The following WWP2 variants were observed in gnomAD, a reference collection of about 807,000 sequenced individuals.
The protein encoded by WWP2 is NEDD4-like E3 ubiquitin-protein ligase WWP2.
A neutral mutation model predicts 121.0 loss-of-function variants in WWP2; 57 were observed. That is an observed-to-expected ratio of 0.47 (90% CI 0.38 to 0.59). WWP2 has a LOEUF of 0.59. Among genes scored for constraint, WWP2 ranks in the 20% least tolerant of loss-of-function variants. WWP2 has a pLI of 0.00. For synonymous variants in WWP2, 449 were observed against 441.3 expected (o/e 1.02, Z -0.22); for missense variants, 962 against 1,158.9 (o/e 0.83, Z 2.47).
chr16:69,776,182 C>G (rs913924533), intron 1 of WWP2: 5 of 152,066 alleles, frequency 3.3e-5, no homozygotes, highest in African/African-American at 1.2e-4. Context: ...TGTTTTTCTC[C>G]CCTTAGATGA....
At chr16:69,909,765 GTTC>G (rs2058353008) in intron 9 of WWP2, 6 of 914,018 alleles carry the variant, frequency 6.6e-6, no homozygotes, top group Non-Finnish European at 5.2e-6. Context: ...TTATGAAAAT[GTTC>G]TTATTATTAT....
chr16:69,787,516 G>A (rs997259936), intron 2 of WWP2, among the ~76,000 whole-genome samples: 3 of 152,122 alleles, frequency 2.0e-5, no homozygotes, highest in Admixed American at 6.5e-5. Flanking sequence ...CTTGAGCCTG[G>A]GAGTTCAAGG....
At chr16:69,852,279 G>A (rs1260525502) in intron 6 of WWP2, among the ~76,000 whole-genome samples, 2 of 147,830 alleles carry the variant, frequency 1.4e-5, no homozygotes, top group African/African-American at 5.0e-5. Context: ...GATGTGGAGA[G>A]TCTCTTTTTT....
chr16:69,805,261 C>G (rs897567451), intron 4 of WWP2, among the ~76,000 whole-genome samples: 39 of 152,166 alleles, frequency 2.6e-4, no homozygotes, highest in African/African-American at 8.4e-4. Context: ...GTCTCAAACT[C>G]CTGACCTCAG....
intron 13 of WWP2, 60 bp from the exon 14 acceptor site, chr16:69,931,092 G>A: frequency 7.7e-6 from 12 of 1,563,432 alleles, no homozygotes; most frequent in Non-Finnish European, 9.7e-6. Context: ...GGCTGACAAA[G>A]ACAAATTGTT....
chr16:69,812,247 A>T (rs181751504), intron 4 of WWP2, among the ~76,000 whole-genome samples: 19 of 142,006 alleles, frequency 1.3e-4, no homozygotes, highest in African/African-American at 5.2e-4. Context: ...GCTAACTGCA[A>T]CCTCTGCCTC....
At chr16:69,780,281 A>G (rs2055636993) in intron 1 of WWP2, among the ~76,000 whole-genome samples, 1 of 149,736 alleles carries the variant, frequency 6.7e-6, no homozygotes, top group Non-Finnish European at 1.5e-5. Context: ...CCCTCTTGGC[A>G]TTATCATTTG....
At chr16:69,812,270 A>G (rs2056407615) in intron 4 of WWP2, among the ~76,000 whole-genome samples, 1 of 148,952 alleles carries the variant, frequency 6.7e-6, no homozygotes, top group African/African-American at 2.5e-5. Context: ...GGTTCAAGCA[A>G]TTCTTCCACC....
chr16:69,928,209 G>T (rs1031899222), intron 11 of WWP2, among the ~76,000 whole-genome samples: 1 of 152,140 alleles, frequency 6.6e-6, no homozygotes, highest in Admixed American at 6.5e-5. Context: ...TTCTGGAACT[G>T]ATTATTTTTG....
chr16:69,834,703 T>A (rs2056845960), intron 4 of WWP2, among the ~76,000 whole-genome samples: 1 of 151,586 alleles, frequency 6.6e-6, no homozygotes. Context: ...ATGTTTTGTA[T>A]TTTTAGTAGA....
intron 7 of WWP2, among the ~76,000 whole-genome samples, chr16:69,882,739 G>A (rs1019345823): frequency 1.3e-5 from 2 of 152,196 alleles, no homozygotes; most frequent in Admixed American, 6.5e-5. Flanking sequence ...TGAAAAATGC[G>A]GGAAACAAAT....
chr16:69,835,738 A>G (rs1235017734), intron 4 of WWP2, among the ~76,000 whole-genome samples: 2 of 152,162 alleles, frequency 1.3e-5, no homozygotes, highest in African/African-American at 2.4e-5. Flanking sequence ...AAATAACTGC[A>G]TATATCATTC....
chr16:69,841,925 CTA>C, intron 5 of WWP2, 97 bp from the exon 6 acceptor site: 2 of 1,249,282 alleles, frequency 1.6e-6, no homozygotes, highest in Non-Finnish European at 2.3e-6. Context: ...GTGGGCAACT[CTA>C]ACACACAGAC....
At chr16:69,841,910 T>G in intron 5 of WWP2, 114 bp from the exon 6 acceptor site, 1 of 979,556 alleles carries the variant, frequency 1.0e-6, no homozygotes, top group Non-Finnish European at 1.5e-6. Context: ...CCATATCCCG[T>G]GGTGGTGGGC....
chr16:69,899,235 C>G (rs2058158362), intron 8 of WWP2, among the ~76,000 whole-genome samples: 1 of 152,060 alleles, frequency 6.6e-6, no homozygotes, highest in East Asian at 1.9e-4. Flanking sequence ...ACAGGCCACA[C>G]TTGGTGGTTC....
At chr16:69,905,909 C>T (rs1252347391) in intron 8 of WWP2, among the ~76,000 whole-genome samples, 1 of 152,282 alleles carries the variant, frequency 6.6e-6, no homozygotes, top group Middle Eastern at 3.4e-3. Context: ...CCTCAGTTTC[C>T]TCAGTGGTGA....
chr16:69,935,480 C>T lies in WWP2; in HGVS notation c.1843-373C>T, dbSNP rs1335438677. Among the ~76,000 whole-genome samples the T allele has an allele frequency of 6.6e-6, 1 of 152,258 alleles. No homozygotes were observed. Among genetic ancestry groups the T allele is most frequent in the Non-Finnish European group, 1.5e-5 (1 of 68,046 alleles). ...CCACCCACCCTGAGCGCCAGTGAAT[C>T]AGGGCTGCCACCTGCAGCTGTTCAG... On this transcript the variant is annotated intron_variant, in intron 17 of 23. Coordinates refer to ENST00000359154, the MANE Select transcript of WWP2 (RefSeq NM_001270454.2). The surrounding 1 kb of genome is among the most constrained non-coding windows in gnomAD (Gnocchi z 5.2).
At chr16:69,785,229 CAAA>C (rs1386992308) in intron 1 of WWP2, among the ~76,000 whole-genome samples, 1 of 112,424 alleles carries the variant, frequency 8.9e-6, no homozygotes, top group Non-Finnish European at 1.9e-5. Flanking sequence ...GAGACTGTCT[CAAA>C]AAAAAAAAAA....
intron 8 of WWP2, among the ~76,000 whole-genome samples, chr16:69,894,766 T>C (rs1331877729): frequency 6.6e-6 from 1 of 152,198 alleles, no homozygotes; most frequent in Non-Finnish European, 1.5e-5. Context: ...CCAGTGCTCA[T>C]TATCAATGAG....
Sources: allele counts gnomAD v4.1 joint callset (sites outside exome capture counted in the v4.1 genomes callset), GRCh38; gene constraint gnomAD v4.1.1; non-coding constraint Gnocchi (gnomAD v3.1); transcripts MANE v1.5; gene names NCBI Gene and HGNC (gene_info 2026-07-23, HGNC 2026-07-21).